XPO4: variants seen among roughly 807,000 people sequenced by gnomAD.
XPO4 encodes the protein exportin-4.
Under a neutral mutation model 143.0 loss-of-function variants are expected in XPO4, and 39 were observed. That is an observed-to-expected ratio of 0.27 (90% CI 0.21 to 0.36). XPO4 has a LOEUF of 0.36. XPO4 is among the 10% of genes least tolerant of loss of function. The pLI is 1.00. For missense variants in XPO4, 907 were observed against 1,348.0 expected (o/e 0.67, Z 5.12); for synonymous variants, 439 against 474.0 (o/e 0.93, Z 0.96).
chr13:20,822,836 C>T (rs1369022857), intron 7 of XPO4, among the ~76,000 whole-genome samples: 2 of 152,218 alleles, frequency 1.3e-5, no homozygotes, highest in African/African-American at 4.8e-5. Context: ...GTTTGAATCT[C>T]AGTTTAACCT....
chr13:20,790,440 C>A, intron 19 of XPO4, 22 bp downstream of exon 19: 1 of 1,556,502 alleles, frequency 6.4e-7, no homozygotes, highest in South Asian at 1.1e-5. Context: ...GTGGTATGTT[C>A]ACATTCAATT....
At chr13:20,836,776 C>T (rs1000301591) in intron 6 of XPO4, among the ~76,000 whole-genome samples, 13 of 152,228 alleles carry the variant, frequency 8.5e-5, no homozygotes, top group Non-Finnish European at 1.3e-4. Context: ...AATCTGAGAA[C>T]ATTTCCATGG....
intron 7 of XPO4, among the ~76,000 whole-genome samples, chr13:20,822,583 GCTT>G (rs1205380780): frequency 6.6e-6 from 1 of 152,166 alleles, no homozygotes; most frequent in African/African-American, 2.4e-5. Flanking sequence ...CAGACATACT[GCTT>G]CTTCTAAAAA....
chr13:20,861,933 C>T (rs1422930896), intron 3 of XPO4, among the ~76,000 whole-genome samples: 4 of 151,852 alleles, frequency 2.6e-5, no homozygotes, highest in Non-Finnish European at 5.9e-5. Flanking sequence ...GGACTAGAGG[C>T]GTGTGCCACC....
chr13:20,873,101 CAA>C (rs11420948), intron 1 of XPO4, among the ~76,000 whole-genome samples: 4 of 128,140 alleles, frequency 3.1e-5, no homozygotes, highest in African/African-American at 3.0e-5. Flanking sequence ...CAAGGATCTT[CAA>C]AAAAAAAAAA....
chr13:20,785,444 G>A lies in XPO4; in HGVS notation c.3258+1521C>T, dbSNP rs192454156. The stretch of plus-strand genomic sequence containing the variant: ...CCTAGGCACTTTGGGAGGCCGAGGC[G>A]AGTGGATTGCTTAAGTTCAGGAGTT... On this transcript the variant is annotated intron_variant, in intron 22 of 22. Transcript: ENST00000255305. Among the ~76,000 whole-genome samples the A allele has an allele frequency of 1.8e-4, 27 of 152,062 alleles. No homozygotes were observed. The East Asian group carries it at 3.9e-3, about 22-fold the overall frequency.
intron 18 of XPO4, among the ~76,000 whole-genome samples, chr13:20,793,559 T>A (rs1337422082): frequency 1.3e-5 from 2 of 151,956 alleles, no homozygotes; most frequent in Non-Finnish European, 2.9e-5. Flanking sequence ...ATTGACTGAT[T>A]GACTGATTGA....
At chr13:20,884,941 GT>G (rs1013508182) in intron 1 of XPO4, among the ~76,000 whole-genome samples, 1 of 151,954 alleles carries the variant, frequency 6.6e-6, no homozygotes, top group African/African-American at 2.4e-5. Flanking sequence ...AAAAAGAGAG[GT>G]TTTTTTGGTT....
intron 4 of XPO4, chr13:20,852,357 A>G (rs2060097686): frequency 1.0e-6 from 1 of 985,454 alleles, no homozygotes; most frequent in Non-Finnish European, 1.2e-6. Context: ...ATTTCCAAGT[A>G]GCAGCCTCAG....
At chr13:20,824,174 G>A (rs2059755336) in intron 7 of XPO4, among the ~76,000 whole-genome samples, 1 of 152,182 alleles carries the variant, frequency 6.6e-6, no homozygotes, top group Non-Finnish European at 1.5e-5. Context: ...TGTATTTTAA[G>A]TTTTATATAG....
intron 3 of XPO4, among the ~76,000 whole-genome samples, chr13:20,860,940 T>C (rs1176388558): frequency 6.6e-6 from 1 of 152,028 alleles, no homozygotes; most frequent in Non-Finnish European, 1.5e-5. Context: ...TTTTTTTGTA[T>C]GTAAGGCAGT....
At chr13:20,836,417 T>C (rs1364681533) in intron 6 of XPO4, among the ~76,000 whole-genome samples, 1 of 152,190 alleles carries the variant, frequency 6.6e-6, no homozygotes, top group Non-Finnish European at 1.5e-5. Context: ...TCCCATCCAC[T>C]TGTCTTAATT....
chr13:20,812,392 T>C (rs1019413935), intron 9 of XPO4, among the ~76,000 whole-genome samples: 1 of 152,140 alleles, frequency 6.6e-6, no homozygotes, highest in Non-Finnish European at 1.5e-5. Context: ...GAAAAACCTG[T>C]TATCCACATG....
intron 1 of XPO4, among the ~76,000 whole-genome samples, chr13:20,885,189 A>T (rs552683778): frequency 1.3e-5 from 2 of 152,326 alleles, no homozygotes; most frequent in African/African-American, 4.8e-5. Flanking sequence ...ACCTCAGGTG[A>T]TCCGCCTGCC....
At chr13:20,883,157 C>T (rs932882855) in intron 1 of XPO4, among the ~76,000 whole-genome samples, 1 of 152,232 alleles carries the variant, frequency 6.6e-6, no homozygotes, top group African/African-American at 2.4e-5. Context: ...TTACATCTTA[C>T]CCCTCCCCAA....
intron 13 of XPO4, among the ~76,000 whole-genome samples, chr13:20,805,489 T>C (rs2059491890): frequency 1.3e-5 from 2 of 152,186 alleles, no homozygotes; most frequent in Non-Finnish European, 2.9e-5. Flanking sequence ...GCCCAGGGCC[T>C]TTGCATTCAC....
rs1363313052 is a variant in XPO4, at chr13:20,862,873, A to T, written c.176-15T>A. Reference sequence around the variant, plus strand: ...TTTACTAGTTTCTGAGGAGAAAATTAAAAACTTTATTTAAACAATAATTCA... The same window carrying T: ...TTTACTAGTTTCTGAGGAGAAAATTTAAAACTTTATTTAAACAATAATTCA... On this transcript the variant is annotated splice_polypyrimidine_tract_variant and intron_variant, in intron 2 of 22. Transcript: ENST00000255305. The T allele has an allele frequency of 3.1e-6, 5 of 1,609,776 alleles. No individual in the cohort carries two copies. The highest frequency in any genetic ancestry group is 4.2e-6 in the Non-Finnish European group (5 of 1,178,742).
chr13:20,787,393 G>T, intron 21 of XPO4, 88 bp downstream of exon 21: 1 of 1,251,994 alleles, frequency 8.0e-7, no homozygotes, highest in Non-Finnish European at 1.2e-6. Context: ...AAGAATGGAA[G>T]CATTTCCTCA....
Position 20,791,368 on chromosome 13 carries a change from TTCTA to T in XPO4, c.2798-792_2798-789del, listed in dbSNP as rs144775277. Among the ~76,000 whole-genome samples, 1,477 of 152,316 alleles carry T rather than the reference TTCTA, an allele frequency of 9.7e-3. 25 individuals carry two copies. Among genetic ancestry groups the T allele is most frequent in the African/African-American group, 0.034 (1,422 of 41,572 alleles). ...CAATATATTAAGACCATTTTGAGAA[TTCTA>T]TCTATTAAGGATATAATCAGAAATT... is the stretch of plus-strand genomic sequence containing the variant. On this transcript the variant is annotated intron_variant, in intron 18 of 22. Coordinates refer to ENST00000255305, the MANE Select transcript of XPO4 (RefSeq NM_022459.5).
Sources: gnomAD v4.1 joint callset for allele counts (sites outside exome capture counted in the v4.1 genomes callset) on GRCh38, gnomAD v4.1.1 for gene constraint, MANE v1.5 for transcripts, NCBI Gene and HGNC (gene_info 2026-07-23, HGNC 2026-07-21) for gene names.